Variants in MAP2K5 observed in about 807,000 individuals in gnomAD.
The protein encoded by MAP2K5 is mitogen-activated protein kinase kinase 5, also known as dual specificity mitogen-activated protein kinase kinase 5.
In MAP2K5, 49 loss-of-function variants were observed where a neutral mutation model predicts 83.1. The ratio of observed to expected loss-of-function variants is 0.59; its 90% confidence interval spans 0.47 to 0.75. The LOEUF is 0.75. Among genes scored for constraint, MAP2K5 ranks in the 30% least tolerant of loss-of-function variants. MAP2K5 has a pLI of 0.00. For missense variants in MAP2K5, 457 were observed against 557.5 expected (o/e 0.82, Z 1.82); for synonymous variants, 202 against 191.8 (o/e 1.05, Z -0.44).
In MAP2K5 at chr15:67,587,492, A is replaced by G. The variant is rs2678680; in HGVS notation, c.431+579A>G. 1 allele frequency among the ~76,000 whole-genome samples: 151,936 copies of G among 152,266 alleles called. 75,804 individuals are homozygous for G. Among genetic ancestry groups the G allele is most frequent in the Non-Finnish European group, 1 (68,016 of 68,016 alleles). On this transcript the variant is annotated intron_variant, in intron 6 of 21. Coordinates refer to ENST00000178640, the MANE Select transcript of MAP2K5 (RefSeq NM_145160.3). The surrounding 1 kb of genome is among the most constrained non-coding windows in gnomAD (Gnocchi z 4.8). ...CTCCCATCTAATCCTGCCCTCCTTT[A>G]ATGTTTGACTTCCTACTCCTTGCCA...
intron 6 of MAP2K5, among the ~76,000 whole-genome samples, chr15:67,592,535 G>T (rs1390633103): frequency 6.6e-6 from 1 of 152,162 alleles, no homozygotes; most frequent in Non-Finnish European, 1.5e-5. Context: ...TATCTATTTT[G>T]TCTTTTGAAG....
intron 1 of MAP2K5, chr15:67,548,922 A>G: frequency 1.1e-6 from 1 of 874,016 alleles, no homozygotes. Flanking sequence ...TGAAAAAAAA[A>G]AAAAGCACTA....
chr15:67,645,047 C>G (rs2086799805), intron 9 of MAP2K5, among the ~76,000 whole-genome samples: 2 of 151,986 alleles, frequency 1.3e-5, no homozygotes. Context: ...ACTCAGGAGG[C>G]TGAGACACGA....
At chr15:67,654,705 G>T (rs934779812) in intron 11 of MAP2K5, among the ~76,000 whole-genome samples, 3 of 152,130 alleles carry the variant, frequency 2.0e-5, no homozygotes, top group Non-Finnish European at 4.4e-5. Flanking sequence ...TTGCTCTAGG[G>T]ATTACAATTA....
At chr15:67,594,533 A>AAT (rs1200583095) in intron 7 of MAP2K5, among the ~76,000 whole-genome samples, 3 of 152,196 alleles carry the variant, frequency 2.0e-5, no homozygotes, top group Non-Finnish European at 4.4e-5. Context: ...AAAATGAAAA[A>AAT]CAGTTTTTTC....
In MAP2K5 at chr15:67,755,390, A is replaced by C. The variant is rs991542044; in HGVS notation, c.1134+6789A>C. Among the ~76,000 whole-genome samples, 23 of 152,162 alleles carry C rather than the reference A, an allele frequency of 1.5e-4. 1 individual carries two copies. The highest frequency in any genetic ancestry group is 1.4e-3 in the East Asian group (7 of 5,176). On this transcript the variant is annotated intron_variant, in intron 19 of 21. Transcript: ENST00000178640. This position sits in a 1 kb window ranked among gnomAD's most constrained non-coding sequence, Gnocchi z 4.7. The stretch of plus-strand genomic sequence containing the variant: ...CCTTTGTTCAGTGTCACCCTCTTCT[A>C]GAACAGAAATATTAGCTGCCCCTTA...
rs886935887 is a variant in MAP2K5 at position 67,801,442 on chromosome 15, C to T, written c.1243-5204C>T. 4.6e-5 allele frequency among the ~76,000 whole-genome samples: 7 copies of T among 152,192 alleles called. No individual in the cohort carries two copies. The highest frequency in any genetic ancestry group is 2.6e-4 in the Admixed American group (4 of 15,288). On this transcript the variant is annotated intron_variant, in intron 21 of 21. Transcript: ENST00000178640. The surrounding 1 kb of genome is among the most constrained non-coding windows in gnomAD (Gnocchi z 4.8). ...GGTGGGAGAGGATGTGCTTGGTGCT[C>T]ACCCTGAGGCAGAGCAGTCCTGTGG...
intron 8 of MAP2K5, 27 bp downstream of exon 8, chr15:67,600,776 TC>T: frequency 1.3e-6 from 2 of 1,560,620 alleles, no homozygotes; most frequent in Non-Finnish European, 1.7e-6. Flanking sequence ...GTTTAAACTT[TC>T]TATCCGCTTT....
At chr15:67,739,262 A>ATT (rs1491222165) in intron 17 of MAP2K5, among the ~76,000 whole-genome samples, 1 of 146,972 alleles carries the variant, frequency 6.8e-6, no homozygotes, top group Non-Finnish European at 1.5e-5. Context: ...CCTGGGCAAC[A>ATT]GAGTGAGACC....
intron 19 of MAP2K5, among the ~76,000 whole-genome samples, chr15:67,756,383 C>T (rs2089834554): frequency 6.6e-6 from 1 of 151,974 alleles, no homozygotes; most frequent in South Asian, 2.1e-4. Context: ...TATATTTTTC[C>T]CCAGCTTTAC....
chr15:67,598,033 C>T (rs2085565733), intron 7 of MAP2K5, among the ~76,000 whole-genome samples: 1 of 151,826 alleles, frequency 6.6e-6, no homozygotes, highest in Admixed American at 6.6e-5. Context: ...GGTGAAACCC[C>T]ATCTCTACTA....
intron 13 of MAP2K5, among the ~76,000 whole-genome samples, chr15:67,684,458 A>AT (rs1313660753): frequency 7.2e-5 from 11 of 152,242 alleles, no homozygotes; most frequent in African/African-American, 2.7e-4. Flanking sequence ...TGTTCAGCAG[A>AT]TATATTACTT....
In MAP2K5 at chr15:67,658,631, A is replaced by G; in HGVS notation, c.798+17A>G. 6.3e-7 allele frequency: 1 copy of G among 1,597,832 alleles called. No individual in the cohort carries two copies. Among genetic ancestry groups the G allele is most frequent in the Non-Finnish European group, 8.6e-7 (1 of 1,166,846 alleles). ...GCAGTAGCAGTAAGTATATGGCTTCAGTGTTAGGAAATTTGAGTGATTTAA... is the reference window on the plus strand; with the variant it reads ...GCAGTAGCAGTAAGTATATGGCTTCGGTGTTAGGAAATTTGAGTGATTTAA... On this transcript the variant is annotated intron_variant, in intron 12 of 21. Coordinates refer to ENST00000178640, the MANE Select transcript of MAP2K5 (RefSeq NM_145160.3).
At position 67,769,689 on chromosome 15, in the gene MAP2K5, G is replaced by A; in HGVS notation, c.1196+26G>A. ...GTGAGCCCGTTTACAAACATGCCAT[G>A]CCCTCAATGTAAATGATACATGCCA... On this transcript the variant is annotated intron_variant, in intron 20 of 21. Transcript: ENST00000178640. This position sits in a 1 kb window ranked among gnomAD's most constrained non-coding sequence, Gnocchi z 5.2. 6.2e-7 allele frequency: 1 copy of A among 1,611,290 alleles called. No individual in the cohort carries two copies. Among genetic ancestry groups the A allele is most frequent in the South Asian group, 1.1e-5 (1 of 90,928 alleles).
chr15:67,763,560 G>A (rs1006718070), intron 19 of MAP2K5, among the ~76,000 whole-genome samples: 5 of 152,048 alleles, frequency 3.3e-5, no homozygotes, highest in Non-Finnish European at 5.9e-5. Context: ...TTTGCACCTT[G>A]GACAGGTTGT....
intron 3 of MAP2K5, among the ~76,000 whole-genome samples, chr15:67,570,446 A>G (rs1567279782): frequency 6.6e-6 from 1 of 152,356 alleles, no homozygotes; most frequent in East Asian, 1.9e-4. Flanking sequence ...TACACATTGT[A>G]GTCTCCTCAT....
At position 67,644,321 on chromosome 15, in the gene MAP2K5, G is replaced by A. The variant is rs1228952368; in HGVS notation, c.586-1910G>A. On this transcript the variant is annotated intron_variant, in intron 9 of 21. Coordinates refer to ENST00000178640, the MANE Select transcript of MAP2K5 (RefSeq NM_145160.3). This position sits in a 1 kb window ranked among gnomAD's most constrained non-coding sequence, Gnocchi z 4.6. Reference sequence around the variant, plus strand: ...AGGCAGGAGAATGGCTTGAACCCGGGAGGCGGAGGTTGCAGTGAGCCAAGA... The same window carrying A: ...AGGCAGGAGAATGGCTTGAACCCGGAAGGCGGAGGTTGCAGTGAGCCAAGA... Among the ~76,000 whole-genome samples the A allele has an allele frequency of 6.6e-6, 1 of 152,098 alleles. No individual in the cohort carries two copies. The highest frequency in any genetic ancestry group is 1.5e-5 in the Non-Finnish European group (1 of 68,004).
intron 19 of MAP2K5, among the ~76,000 whole-genome samples, chr15:67,756,382 C>T (rs1323105676): frequency 6.6e-6 from 1 of 152,058 alleles, no homozygotes; most frequent in African/African-American, 2.4e-5. Context: ...TTATATTTTT[C>T]CCCAGCTTTA....
chr15:67,648,582 T>C (rs1441859882), intron 11 of MAP2K5, among the ~76,000 whole-genome samples: 1 of 152,072 alleles, frequency 6.6e-6, no homozygotes, highest in Non-Finnish European at 1.5e-5. Context: ...CAGTTCTTTT[T>C]TTTTTTTTGA....
Sources: allele counts gnomAD v4.1 joint callset (sites outside exome capture counted in the v4.1 genomes callset), GRCh38; gene constraint gnomAD v4.1.1; non-coding constraint Gnocchi (gnomAD v3.1); transcripts MANE v1.5; gene names NCBI Gene and HGNC (gene_info 2026-07-23, HGNC 2026-07-21).